Variants in DTNBP1 observed in about 807,000 individuals in gnomAD.
The protein encoded by DTNBP1 is dystrobrevin binding protein 1, also known as dysbindin.
A neutral mutation model predicts 42.8 loss-of-function variants in DTNBP1; 35 were observed. The ratio of observed to expected loss-of-function variants is 0.82; its 90% CI spans 0.63 to 1.09. The LOEUF is 1.09. Among genes scored for constraint, DTNBP1 ranks in the 50% least tolerant of loss-of-function variants. DTNBP1 has a pLI of 0.00. For synonymous variants in DTNBP1, 171 were observed against 162.2 expected, an observed-to-expected ratio of 1.05 and a Z score of -0.41; for missense variants, 457 against 424.2, an observed-to-expected ratio of 1.08 and a Z score of -0.68.
At chr6:15,616,956 C>T (rs929596780) in intron 5 of DTNBP1, among the ~76,000 whole-genome samples, 3 of 152,128 alleles carry the variant, frequency 2.0e-5, no homozygotes, top group African/African-American at 7.2e-5. Context: ...ACACAAAAAT[C>T]AGTAGCATTT....
chr6:15,618,544 AG>A (rs1240107864), intron 5 of DTNBP1, among the ~76,000 whole-genome samples: 3 of 152,174 alleles, frequency 2.0e-5, no homozygotes, highest in South Asian at 2.1e-4. Context: ...AAAAAAAAAA[AG>A]AATAGCTATT....
intron 3 of DTNBP1, among the ~76,000 whole-genome samples, chr6:15,641,877 G>A (rs943517756): frequency 6.6e-6 from 1 of 152,112 alleles, no homozygotes; most frequent in East Asian, 1.9e-4. Context: ...GCACACCTTG[G>A]GACAAAGGAA....
chr6:15,548,600 A>G (rs1157110388), intron 7 of DTNBP1, among the ~76,000 whole-genome samples: 3 of 152,218 alleles, frequency 2.0e-5, no homozygotes, highest in Non-Finnish European at 4.4e-5. Context: ...TTTTGATTTC[A>G]GTATATAAAT....
At chr6:15,548,452 C>CAG (rs1774015151) in intron 7 of DTNBP1, 2 of 151,052 alleles carry the variant, frequency 1.3e-5, no homozygotes, top group Admixed American at 6.6e-5. Context: ...CACACACACA[C>CAG]ACACACACAC....
At chr6:15,549,491 T>TA (rs1171397685) in intron 7 of DTNBP1, among the ~76,000 whole-genome samples, 2,439 of 77,722 alleles carry the variant, frequency 0.031, 114 homozygotes, top group African/African-American at 0.079. Context: ...TCTCAGGGAT[T>TA]AAAAAAAAAA....
rs149920360 is a variant in DTNBP1 at position 15,524,263 on chromosome 6, AAAAC to A, written c.811+259_811+262del. 33,791 of 1,602,018 alleles carry A rather than the reference AAAAC, an allele frequency of 0.021. 414 individuals carry two copies. Among genetic ancestry groups the A allele is most frequent in the African/African-American group, 0.05 (3,767 of 74,786 alleles). The stretch of plus-strand genomic sequence containing the variant: ...TGGATTTCTGGGTGGTAAAGGAGGG[AAAAC>A]AAACAAGAAAGCTCTCAACTCACCA... On this transcript the variant is annotated intron_variant, in intron 9 of 9. Transcript: ENST00000344537.
At chr6:15,542,354 C>T (rs1773616065) in intron 7 of DTNBP1, among the ~76,000 whole-genome samples, 1 of 151,890 alleles carries the variant, frequency 6.6e-6, no homozygotes, top group Admixed American at 6.6e-5. Context: ...AAAATTGGGA[C>T]CTATGATTTG....
chr6:15,623,446 G>A (rs1334921670), intron 5 of DTNBP1, among the ~76,000 whole-genome samples: 1 of 152,178 alleles, frequency 6.6e-6, no homozygotes, highest in Admixed American at 6.5e-5. Context: ...AGCTTTGGGA[G>A]GCTGAGGCAG....
chr6:15,541,786 G>A (rs1478058621), intron 7 of DTNBP1, among the ~76,000 whole-genome samples: 1 of 151,982 alleles, frequency 6.6e-6, no homozygotes, highest in Non-Finnish European at 1.5e-5. Flanking sequence ...GGGCATAAGG[G>A]TGGCACAAGA....
chr6:15,651,252 G>T, intron 3 of DTNBP1, 61 bp downstream of exon 3: 2 of 1,459,404 alleles, frequency 1.4e-6, no homozygotes, highest in African/African-American at 1.4e-5. Context: ...AAAATTAAAA[G>T]ATATTTTTGG....
At chr6:15,533,163 T>A in intron 8 of DTNBP1, 77 bp downstream of exon 8, 1 of 1,597,952 alleles carries the variant, frequency 6.3e-7, no homozygotes, top group South Asian at 1.1e-5. Context: ...CCCCATGCCC[T>A]GCTCTGGGGA....
intron 7 of DTNBP1, among the ~76,000 whole-genome samples, chr6:15,571,550 T>G (rs1359585608): frequency 6.6e-6 from 1 of 152,222 alleles, no homozygotes; most frequent in Non-Finnish European, 1.5e-5. Flanking sequence ...AAGATACTTG[T>G]ATATTCACAA....
intron 7 of DTNBP1, among the ~76,000 whole-genome samples, chr6:15,573,749 C>T (rs541387261): frequency 7.9e-5 from 12 of 152,128 alleles, no homozygotes; most frequent in Non-Finnish European, 1.5e-4. Flanking sequence ...GTTCTGTCAC[C>T]CAGACTGGAG....
intron 5 of DTNBP1, 80 bp from the exon 6 acceptor site, chr6:15,615,479 A>G (rs1758663172): frequency 1.3e-6 from 2 of 1,563,348 alleles, no homozygotes; most frequent in South Asian, 1.1e-5. Flanking sequence ...CAAAAAGGTA[A>G]AAGTTCACAT....
At chr6:15,630,165 A>G (rs1759605011) in intron 4 of DTNBP1, among the ~76,000 whole-genome samples, 1 of 152,200 alleles carries the variant, frequency 6.6e-6, no homozygotes, top group African/African-American at 2.4e-5. Context: ...TACACCAATG[A>G]TGTAGAATAG....
At chr6:15,524,719 TA>T in intron 8 of DTNBP1, 50 bp from the exon 9 acceptor site, 1 of 1,601,584 alleles carries the variant, frequency 6.2e-7, no homozygotes. Context: ...AATATTACTT[TA>T]AAAGGTGAAC....
chr6:15,525,199 T>C (rs1772295091), intron 8 of DTNBP1, among the ~76,000 whole-genome samples: 1 of 152,086 alleles, frequency 6.6e-6, no homozygotes, highest in East Asian at 1.9e-4. Flanking sequence ...AAGCACAGAC[T>C]AGGAGAAAAC....
chr6:15,632,513 C>G (rs1562003186), intron 4 of DTNBP1, among the ~76,000 whole-genome samples: 1 of 152,112 alleles, frequency 6.6e-6, no homozygotes, highest in Non-Finnish European at 1.5e-5. Flanking sequence ...AACAAACTTA[C>G]CATCTACCCA....
chr6:15,608,800 T>C (rs1758221843), intron 6 of DTNBP1, among the ~76,000 whole-genome samples: 1 of 152,234 alleles, frequency 6.6e-6, no homozygotes, highest in African/African-American at 2.4e-5. Flanking sequence ...TGATGTTCCT[T>C]TTGATTCCTG....
Sources: allele counts gnomAD v4.1 joint callset (sites outside exome capture counted in the v4.1 genomes callset), GRCh38; gene constraint gnomAD v4.1.1; transcripts MANE v1.5; gene names NCBI Gene and HGNC (gene_info 2026-07-23, HGNC 2026-07-21).